The following PID1 variants were observed in gnomAD, a reference collection of about 807,000 sequenced individuals.
PID1 encodes PTB-containing, cubilin and LRP1-interacting protein.
In PID1, 10 loss-of-function variants were observed where a neutral mutation model predicts 19.1. That is an observed-to-expected ratio of 0.52 (90% CI 0.32 to 0.89). The LOEUF (loss-of-function observed/expected upper bound fraction) is 0.89, where lower values mean the gene tolerates loss of function less well. Ranked by LOEUF, PID1 falls within the 40% of genes least tolerant of loss-of-function variation. PID1 has a pLI of 0.03. For missense variants in PID1, 248 were observed against 285.3 expected, an observed-to-expected ratio of 0.87 and a Z score of 0.94; for synonymous variants, 130 against 116.0, an observed-to-expected ratio of 1.12 and a Z score of -0.78.
intron 1 of PID1, among the ~76,000 whole-genome samples, chr2:229,204,105 T>A (rs1394520524): frequency 6.6e-6 from 1 of 152,060 alleles, no homozygotes; most frequent in Non-Finnish European, 1.5e-5. Context: ...CCCTGATCAA[T>A]ACACACCATG....
intron 2 of PID1, among the ~76,000 whole-genome samples, chr2:229,055,967 G>C (rs1169237474): frequency 6.6e-6 from 1 of 152,216 alleles, no homozygotes; most frequent in Non-Finnish European, 1.5e-5. Context: ...ACGGCTGACT[G>C]TTAAGAGCTG....
At chr2:229,069,649 G>C (rs749663612) in intron 2 of PID1, among the ~76,000 whole-genome samples, 4 of 152,144 alleles carry the variant, frequency 2.6e-5, no homozygotes, top group Admixed American at 2.0e-4. Flanking sequence ...TTAGAGCAGC[G>C]GGGGAGAGGA....
At chr2:229,053,218 T>A (rs1206472639) in intron 2 of PID1, among the ~76,000 whole-genome samples, 1 of 151,916 alleles carries the variant, frequency 6.6e-6, no homozygotes, top group Non-Finnish European at 1.5e-5. Context: ...TTTTCTTGAC[T>A]GGACATTTCT....
At chr2:229,039,381 A>G (rs560717414) in intron 2 of PID1, among the ~76,000 whole-genome samples, 3 of 152,344 alleles carry the variant, frequency 2.0e-5, no homozygotes, top group African/African-American at 7.2e-5. Context: ...TTATTAAAGA[A>G]GAGCTTGTTC....
intron 1 of PID1, among the ~76,000 whole-genome samples, chr2:229,177,721 G>C (rs1222111902): frequency 6.6e-6 from 1 of 152,056 alleles, no homozygotes; most frequent in East Asian, 1.9e-4. Context: ...TGAACCCCTG[G>C]CATCTTTCAT....
At chr2:229,138,703 C>T (rs566831096) in intron 2 of PID1, among the ~76,000 whole-genome samples, 1 of 152,098 alleles carries the variant, frequency 6.6e-6, no homozygotes, top group Admixed American at 6.6e-5. Flanking sequence ...AGCAAACAGA[C>T]CCCATGCCTG....
At chr2:229,169,074 T>C (rs764638475) in intron 1 of PID1, among the ~76,000 whole-genome samples, 15 of 152,176 alleles carry the variant, frequency 9.9e-5, no homozygotes, top group Non-Finnish European at 2.2e-4. Flanking sequence ...CTGACTGCAA[T>C]TGCTTGATAC....
At chr2:229,232,140 T>A (rs1278834528) in intron 1 of PID1, 1 of 1,450,912 alleles carries the variant, frequency 6.9e-7, no homozygotes, top group African/African-American at 1.4e-5. Flanking sequence ...AAGGTCCCTC[T>A]TGGCCGGGTG....
At chr2:229,120,543 T>C (rs1007986109) in intron 2 of PID1, among the ~76,000 whole-genome samples, 8 of 151,308 alleles carry the variant, frequency 5.3e-5, no homozygotes, top group African/African-American at 1.5e-4. Context: ...ACATTCCAAA[T>C]ACAACTAGAC....
At chr2:229,242,280 G>T (rs1689889446) in intron 1 of PID1, among the ~76,000 whole-genome samples, 1 of 152,044 alleles carries the variant, frequency 6.6e-6, no homozygotes, top group Non-Finnish European at 1.5e-5. Context: ...CTAATTAGAG[G>T]CCAGCTAAAA....
intron 1 of PID1, among the ~76,000 whole-genome samples, chr2:229,160,309 C>T (rs1167311111): frequency 6.6e-6 from 1 of 152,068 alleles, no homozygotes; most frequent in Non-Finnish European, 1.5e-5. Context: ...ACACCTGCCC[C>T]TTTGATTGCT....
intron 2 of PID1, among the ~76,000 whole-genome samples, chr2:229,067,068 T>A (rs1342846023): frequency 6.6e-6 from 1 of 152,064 alleles, no homozygotes; most frequent in East Asian, 1.9e-4. Context: ...AAACTTACAA[T>A]CATGGCAGAA....
intron 1 of PID1, among the ~76,000 whole-genome samples, chr2:229,180,285 T>C (rs1690912101): frequency 6.6e-6 from 1 of 152,178 alleles, no homozygotes; most frequent in Admixed American, 6.5e-5. Context: ...GTTATAAATA[T>C]TGCAGTTAGT....
At chr2:229,270,712 G>A (rs1690712730) in intron 1 of PID1, among the ~76,000 whole-genome samples, 1 of 150,920 alleles carries the variant, frequency 6.6e-6, no homozygotes, top group South Asian at 2.1e-4. Context: ...CATTGTGTCA[G>A]TGGAATGCAA....
At chr2:229,175,255 C>T (rs1419245352) in intron 1 of PID1, among the ~76,000 whole-genome samples, 1 of 152,178 alleles carries the variant, frequency 6.6e-6, no homozygotes, top group Non-Finnish European at 1.5e-5. Context: ...TACTAAATCA[C>T]ACACACGGCA....
In PID1 at chr2:229,100,095, C is replaced by T. The variant is rs557544480; in HGVS notation, c.177+55723G>A. Among the ~76,000 whole-genome samples the T allele has an allele frequency of 2.6e-5, 4 of 152,258 alleles. No homozygotes were observed. In the South Asian group the frequency reaches 8.3e-4, roughly 32 times the overall value. On this transcript the variant is annotated intron_variant, in intron 2 of 2. Coordinates refer to ENST00000392055, the MANE Select transcript of PID1 (RefSeq NM_001100818.2). ...GAGGATACAAGAAGCTAGCCATCTACCAACTAAAAAGAGGCCCCTTACCAG... is the reference window on the plus strand; with the variant it reads ...GAGGATACAAGAAGCTAGCCATCTATCAACTAAAAAGAGGCCCCTTACCAG...
chr2:229,057,132 C>T (rs541369203), intron 2 of PID1, among the ~76,000 whole-genome samples: 1 of 151,830 alleles, frequency 6.6e-6, no homozygotes, highest in Admixed American at 6.6e-5. Context: ...CCTAGAAGAA[C>T]GTAAAAGTTA....
chr2:229,231,844 T>C, intron 1 of PID1: 2 of 1,540,210 alleles, frequency 1.3e-6, no homozygotes, highest in African/African-American at 1.4e-5. Context: ...TTTACCTCCT[T>C]GTCTTAATCT....
chr2:229,268,249 A>G (rs1690644945), intron 1 of PID1, among the ~76,000 whole-genome samples: 1 of 152,296 alleles, frequency 6.6e-6, no homozygotes, highest in Non-Finnish European at 1.5e-5. Context: ...TATCAGCATC[A>G]TTTTGTGGGG....
Sources: allele counts gnomAD v4.1 joint callset (sites outside exome capture counted in the v4.1 genomes callset), GRCh38; gene constraint gnomAD v4.1.1; transcripts MANE v1.5; gene names NCBI Gene and HGNC (gene_info 2026-07-23, HGNC 2026-07-21).